KCNH1: variants seen among roughly 807,000 people sequenced by gnomAD.
KCNH1 encodes the protein voltage-gated delayed rectifier potassium channel KCNH1.
A neutral mutation model predicts 69.2 loss-of-function variants in KCNH1; 27 were observed. The observed-to-expected ratio is 0.39, with a 90% CI of 0.29 to 0.54. KCNH1 has a LOEUF of 0.54. KCNH1 is among the 20% of genes least tolerant of loss of function. The pLI, the probability that KCNH1 is intolerant of heterozygous loss-of-function variation, is 0.68. For missense variants in KCNH1, 798 were observed against 1,261.6 expected, an observed-to-expected ratio of 0.63 and a Z score of 5.57; for synonymous variants, 456 against 487.7, an observed-to-expected ratio of 0.93 and a Z score of 0.86.
intron 6 of KCNH1, among the ~76,000 whole-genome samples, chr1:210,960,796 G>C (rs1688277957): frequency 6.6e-6 from 1 of 151,984 alleles, no homozygotes; most frequent in South Asian, 2.1e-4. Flanking sequence ...TCACATAATA[G>C]GTATATATTT....
At chr1:211,053,751 A>T (rs1690250698) in intron 5 of KCNH1, among the ~76,000 whole-genome samples, 2 of 152,138 alleles carry the variant, frequency 1.3e-5, no homozygotes, top group Admixed American at 6.6e-5. Context: ...AACCACCACA[A>T]TCAGATGCCT....
chr1:210,808,582 G>A (rs969862144), intron 7 of KCNH1, among the ~76,000 whole-genome samples: 13 of 151,334 alleles, frequency 8.6e-5, no homozygotes, highest in Admixed American at 2.0e-4. Context: ...ATAAAATAGC[G>A]ACATGTTCTC....
chr1:210,866,257 T>C (rs932937765), intron 7 of KCNH1, among the ~76,000 whole-genome samples: 6 of 151,996 alleles, frequency 3.9e-5, no homozygotes, highest in Non-Finnish European at 4.4e-5. Context: ...AGAAGAAAAC[T>C]AGAAAAAATG....
chr1:210,905,683 C>T (rs1246947483), intron 7 of KCNH1, among the ~76,000 whole-genome samples: 1 of 151,942 alleles, frequency 6.6e-6, no homozygotes, highest in Non-Finnish European at 1.5e-5. Context: ...ACTGGCCTAC[C>T]CTCTCGGTGT....
chr1:211,125,808 A>G (rs1010166203), intron 1 of KCNH1, among the ~76,000 whole-genome samples: 2 of 152,228 alleles, frequency 1.3e-5, no homozygotes, highest in Middle Eastern at 3.2e-3. Context: ...TAATAATTAC[A>G]TTAATAATTA....
intron 7 of KCNH1, among the ~76,000 whole-genome samples, chr1:210,882,774 GT>G (rs1004430789): frequency 6.6e-6 from 1 of 152,110 alleles, no homozygotes; most frequent in Non-Finnish European, 1.5e-5. Context: ...TTGCTGAGGT[GT>G]TTCTCTTTGT....
chr1:210,784,538 C>T (rs1205960907), intron 9 of KCNH1, among the ~76,000 whole-genome samples: 1 of 152,038 alleles, frequency 6.6e-6, no homozygotes, highest in Non-Finnish European at 1.5e-5. Flanking sequence ...TTTTGGATTT[C>T]TTATGCCAAC....
chr1:210,873,330 A>C (rs1686290870), intron 7 of KCNH1, among the ~76,000 whole-genome samples: 1 of 152,070 alleles, frequency 6.6e-6, no homozygotes, highest in Non-Finnish European at 1.5e-5. Flanking sequence ...TCTTTTAAAA[A>C]ATTTTTATAT....
At chr1:210,887,575 C>T (rs1384079772) in intron 7 of KCNH1, among the ~76,000 whole-genome samples, 4 of 151,952 alleles carry the variant, frequency 2.6e-5, no homozygotes, top group East Asian at 3.9e-4. Context: ...AGGCTAAATG[C>T]CCCAATTAAA....
In KCNH1 at chr1:210,748,468, A is replaced by G. The variant is rs563140642; in HGVS notation, c.2112+26880T>C. Reference sequence around the variant, plus strand: ...TTAAGATTTATTTTAGAGATAATACAGTGCCTAACACAGGGTTGCATGTCA... The same window carrying G: ...TTAAGATTTATTTTAGAGATAATACGGTGCCTAACACAGGGTTGCATGTCA... On this transcript the variant is annotated intron_variant, in intron 10 of 10. Coordinates refer to ENST00000271751, the MANE Select transcript of KCNH1 (RefSeq NM_172362.3). Among the ~76,000 whole-genome samples, 4 of 152,364 alleles carry G rather than the reference A, an allele frequency of 2.6e-5. No individual in the cohort carries two copies. In the East Asian group the frequency reaches 5.8e-4, roughly 22 times the overall value.
rs1346417858 is a variant in KCNH1, at chr1:210,901,615, T to C, written c.1462+18025A>G. Among the ~76,000 whole-genome samples, 3 of 152,228 alleles carry C rather than the reference T, an allele frequency of 2.0e-5. No individual in the cohort carries two copies. In the East Asian group the frequency reaches 5.8e-4, roughly 29 times the overall value. On this transcript the variant is annotated intron_variant, in intron 7 of 10. Coordinates refer to ENST00000271751, the MANE Select transcript of KCNH1 (RefSeq NM_172362.3). ...CCAAGGGTCTTGTGGATGCTGACTT[T>C]TCAGGCAGAAAATGATGCAGAAAAA...
At chr1:211,017,014 T>C (rs1689505360) in intron 6 of KCNH1, among the ~76,000 whole-genome samples, 1 of 151,954 alleles carries the variant, frequency 6.6e-6, no homozygotes, top group African/African-American at 2.4e-5. Flanking sequence ...TCTTGACTCA[T>C]TTCATCCCCC....
chr1:210,714,187 T>C (rs1199732971), intron 10 of KCNH1, among the ~76,000 whole-genome samples: 2 of 152,164 alleles, frequency 1.3e-5, no homozygotes, highest in African/African-American at 2.4e-5. Flanking sequence ...TCAACTTCTC[T>C]GTTTAATAGC....
At chr1:211,116,343 G>C (rs1691582187) in intron 1 of KCNH1, among the ~76,000 whole-genome samples, 2 of 152,194 alleles carry the variant, frequency 1.3e-5, no homozygotes, top group Admixed American at 6.5e-5. Flanking sequence ...AACTTCTGCA[G>C]TAGTCTTTAA....
At chr1:210,684,281 C>G (rs1681355737) in intron 10 of KCNH1, 143 bp from the exon 11 acceptor site, 2 of 751,302 alleles carry the variant, frequency 2.7e-6, no homozygotes, top group East Asian at 6.0e-5. Flanking sequence ...CCTACAAGGC[C>G]TCATGAGGCT....
chr1:210,747,491 C>T (rs2149040545), intron 10 of KCNH1, among the ~76,000 whole-genome samples: 1 of 152,066 alleles, frequency 6.6e-6, no homozygotes, highest in East Asian at 1.9e-4. Flanking sequence ...AATTCAGGTC[C>T]CATGAATTCA....
rs116004224 is a variant in KCNH1 at position 210,978,830 on chromosome 1, C to T, written c.1032+39953G>A. On this transcript the variant is annotated intron_variant, in intron 6 of 10. Coordinates refer to ENST00000271751, the MANE Select transcript of KCNH1 (RefSeq NM_172362.3). ...AAGGCTTTCATCCTCTACCAGTGAA[C>T]CTGTGTGTGGGTAGGCACATGCACT... Among the ~76,000 whole-genome samples the T allele has an allele frequency of 7.0e-3, 1,061 of 152,276 alleles. 9 individuals are homozygous for T. Among genetic ancestry groups the T allele is most frequent in the African/African-American group, 0.024 (1,015 of 41,536 alleles).
At chr1:211,051,977 A>C (rs899719392) in intron 5 of KCNH1, among the ~76,000 whole-genome samples, 2 of 152,126 alleles carry the variant, frequency 1.3e-5, no homozygotes, top group Non-Finnish European at 2.9e-5. Flanking sequence ...AGAAAAAGAA[A>C]AAAAAAATGC....
At chr1:211,070,430 AACACACACAC>A (rs57063242) in intron 5 of KCNH1, among the ~76,000 whole-genome samples, 4 of 137,126 alleles carry the variant, frequency 2.9e-5, no homozygotes, top group Non-Finnish European at 4.6e-5. Context: ...AAAAAAAAAA[AACACACACAC>A]ACACACACAC....
Sources: gnomAD v4.1 joint callset for allele counts (sites outside exome capture counted in the v4.1 genomes callset) on GRCh38, gnomAD v4.1.1 for gene constraint, MANE v1.5 for transcripts, NCBI Gene and HGNC (gene_info 2026-07-23, HGNC 2026-07-21) for gene names.